Variants in TANC1 observed in about 807,000 individuals in gnomAD.
TANC1 encodes tetratricopeptide repeat, ankyrin repeat and coiled-coil containing 1, also known as protein TANC1.
A neutral mutation model predicts 149.7 loss-of-function variants in TANC1; 77 were observed. The observed-to-expected ratio is 0.51, with a 90% confidence interval of 0.43 to 0.62. The LOEUF is 0.62. TANC1 is among the 20% of genes least tolerant of loss of function. The pLI is 0.00. For synonymous variants in TANC1, 854 were observed against 925.0 expected (o/e 0.92, Z 1.39); for missense variants, 1,985 against 2,321.8 (o/e 0.85, Z 2.98).
intron 2 of TANC1, among the ~76,000 whole-genome samples, chr2:159,030,963 C>T (rs2039730322): frequency 6.6e-6 from 1 of 152,130 alleles, no homozygotes; most frequent in Non-Finnish European, 1.5e-5. Context: ...AGTAGCCTGA[C>T]ACAGGCACCC....
intron 18 of TANC1, among the ~76,000 whole-genome samples, chr2:159,197,117 C>T (rs991779243): frequency 2.6e-5 from 4 of 152,132 alleles, no homozygotes; most frequent in Admixed American, 6.5e-5. Context: ...CCCTTTGATT[C>T]GTTTCTTCTG....
chr2:159,013,403 G>A (rs1291127053), intron 2 of TANC1, among the ~76,000 whole-genome samples: 3 of 152,140 alleles, frequency 2.0e-5, no homozygotes, highest in African/African-American at 4.8e-5. Context: ...TCCTGGGAAC[G>A]AGTCCTATCT....
intron 5 of TANC1, among the ~76,000 whole-genome samples, chr2:159,146,921 G>A (rs1208304299): frequency 6.9e-6 from 1 of 145,862 alleles, no homozygotes; most frequent in Non-Finnish European, 1.6e-5. Context: ...TGGATGGTAA[G>A]TTGTTTTTGG....
chr2:159,102,796 G>A (rs1476868819), intron 4 of TANC1, among the ~76,000 whole-genome samples: 12 of 76,256 alleles, frequency 1.6e-4, no homozygotes, highest in African/African-American at 2.5e-4. Context: ...TGGGCTCACT[G>A]CAAGCTCCGC....
intron 2 of TANC1, among the ~76,000 whole-genome samples, chr2:159,019,963 C>G (rs2038677629): frequency 1.3e-5 from 2 of 152,024 alleles, no homozygotes; most frequent in African/African-American, 2.4e-5. Flanking sequence ...TGACTTCTTT[C>G]CAAGCGCTGC....
chr2:159,119,724 G>A (rs1307992976), intron 4 of TANC1, among the ~76,000 whole-genome samples: 1 of 152,180 alleles, frequency 6.6e-6, no homozygotes, highest in African/African-American at 2.4e-5. Context: ...GGCACTCTTA[G>A]GAGGTGAGCT....
intron 7 of TANC1, among the ~76,000 whole-genome samples, chr2:159,162,211 G>A (rs2054114811): frequency 1.3e-5 from 2 of 152,228 alleles, no homozygotes; most frequent in Admixed American, 1.3e-4. Context: ...CCAGCCTTCT[G>A]ATACAGTGTG....
At chr2:159,198,619 A>G (rs2058033125) in intron 18 of TANC1, among the ~76,000 whole-genome samples, 2 of 152,228 alleles carry the variant, frequency 1.3e-5, no homozygotes, top group African/African-American at 4.8e-5. Flanking sequence ...TCCTTGTGAA[A>G]AACTGATTCA....
At chr2:159,091,055 G>A (rs1181877001) in intron 3 of TANC1, among the ~76,000 whole-genome samples, 1 of 151,612 alleles carries the variant, frequency 6.6e-6, no homozygotes, top group Non-Finnish European at 1.5e-5. Flanking sequence ...CTTCCCCTCT[G>A]TGGTGGCCCA....
At chr2:159,130,201 C>T (rs879322374) in intron 4 of TANC1, among the ~76,000 whole-genome samples, 1 of 152,152 alleles carries the variant, frequency 6.6e-6, no homozygotes, top group Non-Finnish European at 1.5e-5. Context: ...TTTTTAAGAG[C>T]CTCCTGCGTT....
At chr2:159,154,897 A>G (rs1178212396) in intron 7 of TANC1, among the ~76,000 whole-genome samples, 1 of 152,208 alleles carries the variant, frequency 6.6e-6, no homozygotes, top group African/African-American at 2.4e-5. Flanking sequence ...CTGTGAAAAG[A>G]AAAACTTTAC....
chr2:159,179,948 G>T (rs944292187), intron 14 of TANC1, among the ~76,000 whole-genome samples: 1 of 152,160 alleles, frequency 6.6e-6, no homozygotes, highest in East Asian at 1.9e-4. Flanking sequence ...GAGTGGCTTC[G>T]GCTATCTGTG....
chr2:158,979,853 TAGAA>T (rs1288015236), intron 1 of TANC1, among the ~76,000 whole-genome samples: 1 of 152,218 alleles, frequency 6.6e-6, no homozygotes, highest in Non-Finnish European at 1.5e-5. Context: ...TTTCATATTG[TAGAA>T]AGAGTCTGAC....
intron 3 of TANC1, among the ~76,000 whole-genome samples, chr2:159,069,315 C>G (rs555843304): frequency 6.6e-6 from 1 of 152,060 alleles, no homozygotes; most frequent in East Asian, 1.9e-4. Context: ...TGAGTTTGGC[C>G]TAAGGGAGCA....
rs1174925102 is a variant in TANC1 at position 159,231,797 on chromosome 2, C to G, written c.*785C>G. The G allele has an allele frequency of 6.6e-6, 1 of 152,152 alleles. No individual in the cohort carries two copies. The highest frequency in any genetic ancestry group is 1.5e-5 in the Non-Finnish European group (1 of 68,026). 9.4% of individuals were successfully genotyped at this position (152,152 alleles called of 1,614,324 possible). A position where few individuals can be genotyped will look rare whatever the true frequency, so the allele number is the denominator to read the frequency against. ...TCTTAGTGGCGCTTATAAATTAGCTCTCACCTGGTTTCCAAACTGCTTTTA... is the reference window on the plus strand; with the variant it reads ...TCTTAGTGGCGCTTATAAATTAGCTGTCACCTGGTTTCCAAACTGCTTTTA... On this transcript the variant is annotated 3_prime_UTR_variant, in exon 27 of 27. Transcript: ENST00000263635.
chr2:159,131,055 TTCTTC>T (rs75130881), intron 4 of TANC1, among the ~76,000 whole-genome samples: 21,032 of 151,910 alleles, frequency 0.14, 1,918 homozygotes, highest in East Asian at 0.46. Flanking sequence ...TCTTTAGGCC[TTCTTC>T]TCTTGATGAG....
chr2:159,159,717 T>TGAGAGAGAGAGA (rs56101796), intron 7 of TANC1, among the ~76,000 whole-genome samples: 4 of 114,974 alleles, frequency 3.5e-5, no homozygotes, highest in African/African-American at 1.4e-4. Context: ...TGTGTGTGTG[T>TGAGAGAGAGAGA]GAGAGAGAGA....
chr2:159,029,608 G>A (rs897634775), intron 2 of TANC1, among the ~76,000 whole-genome samples: 4 of 152,192 alleles, frequency 2.6e-5, no homozygotes, highest in Admixed American at 2.0e-4. Flanking sequence ...CTGTCAACCA[G>A]GCTGGAGTGC....
At chr2:159,086,189 T>C (rs1047513636) in intron 3 of TANC1, among the ~76,000 whole-genome samples, 8 of 151,832 alleles carry the variant, frequency 5.3e-5, no homozygotes, top group Non-Finnish European at 1.0e-4. Flanking sequence ...AGTTCTCTGT[T>C]ATTATAAATT....
Sources: gnomAD v4.1 joint callset for allele counts (sites outside exome capture counted in the v4.1 genomes callset) on GRCh38, gnomAD v4.1.1 for gene constraint, MANE v1.5 for transcripts, NCBI Gene and HGNC (gene_info 2026-07-23, HGNC 2026-07-21) for gene names.